Variants in CHL1 observed in about 807,000 individuals in gnomAD.
The protein encoded by CHL1 is neural cell adhesion molecule L1-like protein.
Under a neutral mutation model 141.9 loss-of-function variants are expected in CHL1, and 96 were observed. The observed-to-expected ratio is 0.68, with a 90% CI of 0.57 to 0.80. CHL1 has a LOEUF of 0.80. Ranked by LOEUF, CHL1 falls within the 30% of genes least tolerant of loss-of-function variation. The pLI is 0.00. For synonymous variants in CHL1, 613 were observed against 502.2 expected (o/e 1.22, Z -2.95); for missense variants, 1,820 against 1,457.2 (o/e 1.25, Z -4.05).
intron 5 of CHL1, among the ~76,000 whole-genome samples, chr3:330,634 AATGCTC>A (rs1701364048): frequency 6.6e-6 from 1 of 152,144 alleles, no homozygotes; most frequent in South Asian, 2.1e-4. Context: ...ATACACTTAA[AATGCTC>A]ATTCTCAATG....
chr3:314,607 C>T lies in CHL1; in HGVS notation c.-94-5076C>T, dbSNP rs79468265. 1.6e-3 allele frequency among the ~76,000 whole-genome samples: 236 copies of T among 151,942 alleles called. 3 individuals carry two copies. The highest frequency in any genetic ancestry group is 6.8e-3 in the Middle Eastern group (2 of 292). ...AGCTGACAGGTTAGTAGGGCAGTCT[C>T]ATCTAGGATGGCTGCCATTTTACGT... On this transcript the variant is annotated intron_variant, in intron 2 of 27. Coordinates refer to ENST00000256509, the MANE Select transcript of CHL1 (RefSeq NM_006614.4).
At chr3:337,857 G>C (rs1317648252) in intron 5 of CHL1, among the ~76,000 whole-genome samples, 1 of 152,132 alleles carries the variant, frequency 6.6e-6, no homozygotes, top group African/African-American at 2.4e-5. Context: ...CTTCATAGCA[G>C]CATGATTTAT....
intron 15 of CHL1, among the ~76,000 whole-genome samples, chr3:376,879 A>G (rs1706391761): frequency 6.6e-6 from 1 of 152,128 alleles, no homozygotes; most frequent in Admixed American, 6.5e-5. Flanking sequence ...TTGGTGTAGG[A>G]ATAAGGGCTG....
At chr3:289,619 A>G (rs1432976949) in intron 2 of CHL1, among the ~76,000 whole-genome samples, 8 of 152,156 alleles carry the variant, frequency 5.3e-5, no homozygotes, top group Non-Finnish European at 1.0e-4. Context: ...TTGTCAATCT[A>G]TCAATACATA....
chr3:346,618 A>C (rs1702789294), intron 9 of CHL1, among the ~76,000 whole-genome samples: 1 of 152,208 alleles, frequency 6.6e-6, no homozygotes, highest in Admixed American at 6.5e-5. Context: ...AGAGTGGATG[A>C]AAATATATGT....
At chr3:382,085 C>G (rs1707114396) in intron 16 of CHL1, 94 bp from the exon 17 acceptor site, 1 of 1,013,514 alleles carries the variant, frequency 9.9e-7, no homozygotes, top group Non-Finnish European at 1.5e-6. Flanking sequence ...AGGGTGGTAC[C>G]TCCTCTGTCT....
At chr3:287,468 G>A (rs899304687) in intron 2 of CHL1, among the ~76,000 whole-genome samples, 7 of 152,194 alleles carry the variant, frequency 4.6e-5, no homozygotes, top group African/African-American at 1.7e-4. Context: ...GCCATTTGAT[G>A]TTGTAGTTAT....
chr3:355,899 G>C (rs910636889), intron 11 of CHL1, among the ~76,000 whole-genome samples: 5 of 152,114 alleles, frequency 3.3e-5, no homozygotes, highest in African/African-American at 1.2e-4. Context: ...GCGTGACGGG[G>C]AGTATCACTG....
intron 1 of CHL1, among the ~76,000 whole-genome samples, chr3:227,814 G>A (rs1167302999): frequency 1.3e-5 from 2 of 152,176 alleles, no homozygotes; most frequent in Non-Finnish European, 2.9e-5. Flanking sequence ...ACTTCTGTTA[G>A]TGATTTTGTT....
At chr3:242,312 A>C (rs1280316262) in intron 1 of CHL1, among the ~76,000 whole-genome samples, 2 of 124,298 alleles carry the variant, frequency 1.6e-5, no homozygotes, top group Non-Finnish European at 3.7e-5. Context: ...TAATACAGAG[A>C]CTGGCTGAGC....
rs568829542 is a variant in CHL1 at position 354,636 on chromosome 3, C to T, written c.1034-4C>T. ...CTCTCATGAGCTCTTCACTTTACATCCAGAGCCTCCTCGCTGGACAAAGAA... is the reference window on the plus strand; with the variant it reads ...CTCTCATGAGCTCTTCACTTTACATTCAGAGCCTCCTCGCTGGACAAAGAA... On this transcript the variant is annotated splice_polypyrimidine_tract_variant and splice_region_variant and intron_variant, in intron 10 of 27. Coordinates refer to ENST00000256509, the MANE Select transcript of CHL1 (RefSeq NM_006614.4). 12 of 1,610,146 alleles carry T rather than the reference C, an allele frequency of 7.5e-6. No individual in the cohort carries two copies. The African/African-American group carries it at 1.2e-4, about 16-fold the overall frequency.
rs7628083 is a variant in CHL1 at position 384,110 on chromosome 3, C to A, written c.2247+224C>A. 6.2e-3 allele frequency among the ~76,000 whole-genome samples: 938 copies of A among 152,226 alleles called. 10 individuals carry two copies. The highest frequency in any genetic ancestry group is 0.021 in the African/African-American group (893 of 41,538). ...GGTCAACAATTTAGGGAAGATTATACAGATTGATTTAGTTGTAATACATTA... is the reference window on the plus strand; with the variant it reads ...GGTCAACAATTTAGGGAAGATTATAAAGATTGATTTAGTTGTAATACATTA... On this transcript the variant is annotated intron_variant, in intron 19 of 27. Coordinates refer to ENST00000256509, the MANE Select transcript of CHL1 (RefSeq NM_006614.4).
chr3:281,601 C>T (rs1696661337), intron 2 of CHL1, among the ~76,000 whole-genome samples: 1 of 150,740 alleles, frequency 6.6e-6, no homozygotes, highest in Middle Eastern at 3.2e-3. Context: ...ACTCTGTCGC[C>T]CAGGCTGGAA....
chr3:325,455 G>T (rs1226000244), intron 3 of CHL1, among the ~76,000 whole-genome samples: 1 of 151,190 alleles, frequency 6.6e-6, no homozygotes, highest in Admixed American at 6.6e-5. Flanking sequence ...TACCTGGAAA[G>T]AAAAAAAATG....
chr3:220,500 G>A (rs1289337861), intron 1 of CHL1, among the ~76,000 whole-genome samples: 4 of 151,866 alleles, frequency 2.6e-5, no homozygotes, highest in African/African-American at 9.7e-5. Flanking sequence ...TAACACTAAC[G>A]ATAGCTGATG....
chr3:240,502 C>G (rs1692452036), intron 1 of CHL1, among the ~76,000 whole-genome samples: 1 of 151,988 alleles, frequency 6.6e-6, no homozygotes, highest in Non-Finnish European at 1.5e-5. Flanking sequence ...GATGTCAGTC[C>G]TTTGTTGGAT....
intron 3 of CHL1, among the ~76,000 whole-genome samples, chr3:324,393 G>T (rs1469531601): frequency 6.6e-6 from 1 of 152,018 alleles, no homozygotes; most frequent in East Asian, 1.9e-4. Flanking sequence ...TTTTATTAGA[G>T]ATTCTAAGAA....
intron 4 of CHL1, 112 bp from the exon 5 acceptor site, chr3:328,055 T>C: frequency 1.4e-6 from 1 of 739,176 alleles, no homozygotes; most frequent in Non-Finnish European, 2.2e-6. Context: ...ATTAAGTATA[T>C]ACTTTTTATC....
chr3:280,872 C>G (rs1463843349), intron 2 of CHL1, among the ~76,000 whole-genome samples: 1 of 151,456 alleles, frequency 6.6e-6, no homozygotes, highest in Non-Finnish European at 1.5e-5. Context: ...TTTGTTAAAA[C>G]ACGTAGACAC....
Sources: gnomAD v4.1 joint callset for allele counts (sites outside exome capture counted in the v4.1 genomes callset) on GRCh38, gnomAD v4.1.1 for gene constraint, MANE v1.5 for transcripts, NCBI Gene and HGNC (gene_info 2026-07-23, HGNC 2026-07-21) for gene names.